Variants in CDH10 observed in about 807,000 individuals in gnomAD.
CDH10 encodes cadherin-10.
In CDH10, 30 loss-of-function variants were observed where a neutral mutation model predicts 73.1. That is an observed-to-expected ratio of 0.41 (90% CI 0.31 to 0.56). CDH10 has a LOEUF of 0.56. Among genes scored for constraint, CDH10 ranks in the 20% least tolerant of loss-of-function variants. The pLI is 0.27. For missense variants in CDH10, 815 were observed against 973.7 expected (o/e 0.84, Z 2.17); for synonymous variants, 345 against 348.2 (o/e 0.99, Z 0.10).
chr5:24,550,522 T>G (rs1744506227), intron 2 of CDH10, among the ~76,000 whole-genome samples: 1 of 152,320 alleles, frequency 6.6e-6, no homozygotes, highest in East Asian at 1.9e-4. Context: ...CTTTAAGATA[T>G]AAAATTAAAA....
chr5:24,571,367 G>C (rs1319303357), intron 2 of CDH10, among the ~76,000 whole-genome samples: 1 of 152,092 alleles, frequency 6.6e-6, no homozygotes, highest in African/African-American at 2.4e-5. Context: ...AGAAAAGACT[G>C]ATTAATGCTA....
chr5:24,507,845 G>A (rs1742754767), intron 7 of CDH10, among the ~76,000 whole-genome samples: 1 of 152,144 alleles, frequency 6.6e-6, no homozygotes, highest in African/African-American at 2.4e-5. Context: ...GGAAAATCAT[G>A]CTGGCATGTA....
chr5:24,605,497 A>AT (rs1350488574), intron 1 of CDH10, among the ~76,000 whole-genome samples: 2 of 152,220 alleles, frequency 1.3e-5, no homozygotes, highest in Non-Finnish European at 2.9e-5. Context: ...TCCTGAAATG[A>AT]TTCCCCCAAC....
chr5:24,552,994 T>C (rs1505876), intron 2 of CDH10, among the ~76,000 whole-genome samples: 100,344 of 139,328 alleles, frequency 0.72, 33,251 homozygotes, highest in East Asian at 0.81. Flanking sequence ...CAATCTCCCA[T>C]GTTTTCCTCT....
At chr5:24,492,760 C>G in intron 10 of CDH10, 57 bp downstream of exon 10, 6 of 776,962 alleles carry the variant, frequency 7.7e-6, no homozygotes, top group East Asian at 2.5e-5. Flanking sequence ...TGGTTACACT[C>G]GGGAAATTTC....
At position 24,509,594 on chromosome 5, in the gene CDH10, C is replaced by T. The variant is rs2111750038; in HGVS notation, c.1228G>A (p.Asp410Asn). Residue 410 changes from aspartate (D) to asparagine (N), a missense_variant, in exon 7 of 12, where the codon GAC becomes AAC. Asp to Asn is a conservative substitution (Grantham distance 23). Transcript: ENST00000264463. ...ATGGGGCTGGAAATAGAATCTGGGTCCCTTGCCATTACAGTACCAATGATT... is the reference window on the plus strand; with the variant it reads ...ATGGGGCTGGAAATAGAATCTGGGTTCCTTGCCATTACAGTACCAATGATT... ...GTIIGTVMAR[D>N]PDSISSPIRF... 1 of 1,613,878 alleles carries T rather than the reference C, an allele frequency of 6.2e-7. No homozygotes were observed.
chr5:24,536,993 A>G (rs577916170), intron 3 of CDH10, among the ~76,000 whole-genome samples: 7 of 151,930 alleles, frequency 4.6e-5, no homozygotes, highest in Admixed American at 3.9e-4. Context: ...AATTATGACT[A>G]GAGTATATGT....
chr5:24,487,633 CT>C lies in CDH10; in HGVS notation c.*29del, dbSNP rs1440746686. On this transcript the variant is annotated 3_prime_UTR_variant, in exon 12 of 12. Coordinates refer to ENST00000264463, the MANE Select transcript of CDH10 (RefSeq NM_006727.5). Reference sequence around the variant, plus strand: ...GAGACAGCATGGGTAGAGTTACTTTCTCTTGTTTGAACAGAACATATATCCT... The same window carrying C: ...GAGACAGCATGGGTAGAGTTACTTTCCTTGTTTGAACAGAACATATATCCT... The C allele has an allele frequency of 1.9e-6, 3 of 1,566,988 alleles. No homozygotes were observed. The highest frequency in any genetic ancestry group is 1.8e-5 in the Admixed American group (1 of 54,254).
At chr5:24,554,802 T>G (rs10042013) in intron 2 of CDH10, among the ~76,000 whole-genome samples, 100,594 of 151,818 alleles carry the variant, frequency 0.66, 33,423 homozygotes, top group East Asian at 0.76. Context: ...TTTCCTTTTA[T>G]GTGGTAATAT....
chr5:24,619,448 C>T (rs1417829780), intron 1 of CDH10, among the ~76,000 whole-genome samples: 1 of 152,114 alleles, frequency 6.6e-6, no homozygotes, highest in African/African-American at 2.4e-5. Context: ...CCGCCTCGGC[C>T]TCACAAAGTG....
At chr5:24,592,981 C>A (rs908756769) in intron 2 of CDH10, among the ~76,000 whole-genome samples, 1 of 151,544 alleles carries the variant, frequency 6.6e-6, no homozygotes, top group African/African-American at 2.4e-5. Flanking sequence ...ACTATCATTG[C>A]TTTCTAACCA....
chr5:24,557,809 G>C (rs964815653), intron 2 of CDH10, among the ~76,000 whole-genome samples: 1 of 151,856 alleles, frequency 6.6e-6, no homozygotes, highest in South Asian at 2.1e-4. Flanking sequence ...TTAAAAATTA[G>C]TATAGTCACT....
intron 2 of CDH10, among the ~76,000 whole-genome samples, chr5:24,561,503 T>G (rs1474505931): frequency 1.3e-5 from 2 of 152,144 alleles, no homozygotes; most frequent in East Asian, 1.9e-4. Context: ...TAGCTCAAAG[T>G]GAGCCATCGT....
Position 24,535,135 on chromosome 5 carries a change from T to C in CDH10, c.791A>G (p.Asp264Gly), listed in dbSNP as rs746998768. Residue 264 changes from aspartate (D) to glycine (G), a missense_variant, in exon 5 of 12, where the codon GAC (aspartate) becomes GGC (glycine). By Grantham distance (94) the Asp-to-Gly change is moderately conservative (BLOSUM62 -1). This residue lies in a region of CDH10 where 516 missense variants were observed against 636.6 expected (regional missense o/e 0.81). Transcript: ENST00000264463. ...ACTCTGGGGGAAACGTGGTGGGTTG[T>C]CATTGACATCTGTCAGCGTGATGTT... ...TVNITLTDVN[D>G]NPPRFPQNTI... 1 of 1,611,542 alleles carries C rather than the reference T, an allele frequency of 6.2e-7. No individual in the cohort carries two copies. The highest frequency in any genetic ancestry group is 1.7e-5 in the Admixed American group (1 of 59,294).
In CDH10 at chr5:24,625,574, CATATATT is replaced by C. The variant is rs1747466762; in HGVS notation, c.-124+19013_-124+19019del. On this transcript the variant is annotated intron_variant, in intron 1 of 11. Transcript: ENST00000264463. ...ATATATATATATATTCATATATATA[CATATATT>C]CATATATATGAATATATATGTGTAT... Among the ~76,000 whole-genome samples the C allele has an allele frequency of 4.5e-4, 8 of 17,824 alleles. No individual in the cohort carries two copies. In the Admixed American group the frequency reaches 7.0e-3, roughly 16 times the overall value. The allele number at this position is 17,824 out of a possible 152,430, so 11.7% of individuals were successfully genotyped here. A position where few individuals can be genotyped will look rare whatever the true frequency, so the allele number is the denominator to read the frequency against.
chr5:24,531,901 G>A lies in CDH10; in HGVS notation c.814+3211C>T, dbSNP rs147102468. ...TCACTTAGATGCTACTGGGATATTG[G>A]GCCAGATAACTCTTTGTCATTAAAA... On this transcript the variant is annotated intron_variant, in intron 5 of 11. Transcript: ENST00000264463. Among the ~76,000 whole-genome samples the A allele has an allele frequency of 1.4e-3, 206 of 152,140 alleles. 2 individuals are homozygous for A. Among genetic ancestry groups the A allele is most frequent in the Non-Finnish European group, 2.3e-3 (157 of 67,976 alleles).
intron 11 of CDH10, among the ~76,000 whole-genome samples, chr5:24,490,104 G>T (rs1004297946): frequency 6.6e-6 from 1 of 152,052 alleles, no homozygotes; most frequent in Admixed American, 6.6e-5. Flanking sequence ...CAGTAAACAC[G>T]TACTAAAAAC....
intron 5 of CDH10, among the ~76,000 whole-genome samples, chr5:24,525,230 A>G (rs894587453): frequency 2.0e-5 from 3 of 152,036 alleles, no homozygotes; most frequent in African/African-American, 7.2e-5. Flanking sequence ...AAAAACCAAT[A>G]AAGTTCAAAG....
chr5:24,571,068 T>C (rs1745364850), intron 2 of CDH10, among the ~76,000 whole-genome samples: 1 of 152,118 alleles, frequency 6.6e-6, no homozygotes, highest in African/African-American at 2.4e-5. Flanking sequence ...GGTTTCATAT[T>C]CTTCACAATG....
Sources: gnomAD v4.1 joint callset for allele counts (sites outside exome capture counted in the v4.1 genomes callset) on GRCh38, gnomAD v4.1.1 for gene constraint, gnomAD v4.1.1 regional missense constraint, MANE v1.5 for transcripts, NCBI Gene and HGNC (gene_info 2026-07-23, HGNC 2026-07-21) for gene names.